Variants in AGAP2 observed in about 807,000 individuals in gnomAD.
AGAP2 encodes the protein arf-GAP with GTPase, ANK repeat and PH domain-containing protein 2.
AGAP2 carries 32 observed loss-of-function variants against 110.9 expected under a neutral mutation model. The observed-to-expected ratio is 0.29, with a 90% CI of 0.22 to 0.39. AGAP2 has a LOEUF of 0.39. Among genes scored for constraint, AGAP2 ranks in the 10% least tolerant of loss-of-function variants. AGAP2 has a pLI of 1.00. For synonymous variants in AGAP2, 702 were observed against 713.0 expected (o/e 0.98, Z 0.25); for missense variants, 1,285 against 1,638.5 (o/e 0.78, Z 3.72).
intron 10 of AGAP2, 47 bp downstream of exon 10, chr12:57,731,319 G>T (rs1388531873): frequency 6.7e-7 from 1 of 1,484,338 alleles, no homozygotes; most frequent in African/African-American, 1.4e-5. Context: ...GGTAGAACTT[G>T]AGGGAAATCC....
rs1361415264 is a variant in AGAP2 at position 57,731,977 on chromosome 12, T to C, written c.1795-10A>G. 8 of 1,612,818 alleles carry C rather than the reference T, an allele frequency of 5.0e-6. No homozygotes were observed. The highest frequency in any genetic ancestry group is 1.3e-5 in the African/African-American group (1 of 74,878). ...GGCCCCCGTTACTAGCCTGGGCACA[T>C]ATGGAAGAGTCAGCAGAGCTGAGAT... On this transcript the variant is annotated splice_polypyrimidine_tract_variant and intron_variant, in intron 7 of 18. Transcript: ENST00000547588.
rs775002316 is a variant in AGAP2 at position 57,728,303 on chromosome 12, C to T, written c.2617+15G>A. ...CACCCCAGCTGAGCGCCCCTCCCGG[C>T]TCCCCACTTGTTACCTGCTTTATAA... is the stretch of plus-strand genomic sequence containing the variant. On this transcript the variant is annotated intron_variant, in intron 14 of 18. Coordinates refer to ENST00000547588, the MANE Select transcript of AGAP2 (RefSeq NM_001122772.3). 1 of 1,613,516 alleles carries T rather than the reference C, an allele frequency of 6.2e-7. No individual in the cohort carries two copies. Among genetic ancestry groups the T allele is most frequent in the Non-Finnish European group, 8.5e-7 (1 of 1,179,674 alleles).
At position 57,725,538 on chromosome 12, in the gene AGAP2, C is replaced by T. The variant is rs1389538611; in HGVS notation, c.*1014G>A. On this transcript the variant is annotated 3_prime_UTR_variant, in exon 19 of 19. Transcript: ENST00000547588. The stretch of plus-strand genomic sequence containing the variant: ...GAGAGGTCACGGGGGTGAGGAATGG[C>T]TCTGGAGCTGCTCCAGTGGGAGGGA... 6.6e-6 allele frequency: 1 copy of T among 152,200 alleles called. No individual in the cohort carries two copies. Among genetic ancestry groups the T allele is most frequent in the East Asian group, 1.9e-4 (1 of 5,158 alleles). 9.4% of individuals were successfully genotyped at this position (152,200 alleles called of 1,614,324 possible).
upstream of AGAP2, among the ~76,000 whole-genome samples, chr12:57,741,469 A>ATG (rs1448407197): frequency 6.6e-6 from 1 of 151,718 alleles, no homozygotes; most frequent in Non-Finnish European, 1.5e-5. Flanking sequence ...GTGTGTGTGT[A>ATG]TGTGTGTGCA....
intron 13 of AGAP2, among the ~76,000 whole-genome samples, chr12:57,729,204 A>G (rs1271078563): frequency 1.3e-5 from 2 of 151,544 alleles, no homozygotes; most frequent in Admixed American, 6.6e-5. Flanking sequence ...GAAAAGAAAA[A>G]AAAAAGAAAG....
chr12:57,737,160 C>G lies in AGAP2; in HGVS notation c.1087G>C (p.Gly363Arg). The G allele has an allele frequency of 6.3e-7, 1 of 1,574,816 alleles. No individual in the cohort carries two copies. ...AGGCTGGGGGGTCCGGGAAGGGGCC[C>G]GGAGCCAGGAGGCCCTCCTGTGCTC... ...TKSTGGPPGSGPLPGPPSLSS... is the reference protein window; with the variant it reads ...TKSTGGPPGSRPLPGPPSLSS... The change falls in exon 1 of 19, where the codon GGG (glycine) becomes CGG (arginine). Residue 363 changes from glycine to arginine, a missense_variant. Transcript: ENST00000547588. The surrounding 1 kb of genome is among the most constrained non-coding windows in gnomAD (Gnocchi z 5.9).
upstream of AGAP2, among the ~76,000 whole-genome samples, chr12:57,741,310 G>T (rs1955074054): frequency 6.6e-6 from 1 of 152,166 alleles, no homozygotes; most frequent in Non-Finnish European, 1.5e-5. Flanking sequence ...GGGAAGACAG[G>T]AACAGGAGCA....
chr12:57,732,320 T>C lies in AGAP2; in HGVS notation c.1794+83A>G, dbSNP rs368693252. ...CTGTTTCCCCACTCCCTGAACCTCC[T>C]TGGGTACTCTGTACCTGTCCTAGGA... is the stretch of plus-strand genomic sequence containing the variant. On this transcript the variant is annotated intron_variant, in intron 7 of 18. Transcript: ENST00000547588. The C allele has an allele frequency of 2.8e-5, 36 of 1,302,064 alleles. No individual in the cohort carries two copies. In the East Asian group the frequency reaches 4.0e-4, roughly 15 times the overall value. The allele number at this position is 1,302,064 out of a possible 1,614,324, so 80.7% of individuals were successfully genotyped here. A position where few individuals can be genotyped will look rare whatever the true frequency, so the allele number is the denominator to read the frequency against.
chr12:57,740,882 AGCAGAGAGGTCTG>A (rs1955069278), upstream of AGAP2, among the ~76,000 whole-genome samples: 1 of 152,246 alleles, frequency 6.6e-6, no homozygotes, highest in African/African-American at 2.4e-5. Context: ...CTGGTGTACT[AGCAGAGAGGTCTG>A]GCAGGAGGTG....
In AGAP2 at chr12:57,725,603, G is replaced by C. The variant is rs1954747412; in HGVS notation, c.*949C>G. 1 of 152,236 alleles carries C rather than the reference G, an allele frequency of 6.6e-6. No homozygotes were observed. The highest frequency in any genetic ancestry group is 1.5e-5 in the Non-Finnish European group (1 of 68,178). The allele number at this position is 152,236 out of a possible 1,614,324, so 9.4% of individuals were successfully genotyped here. A position where few individuals can be genotyped will look rare whatever the true frequency, so the allele number is the denominator to read the frequency against. The stretch of plus-strand genomic sequence containing the variant: ...AGAATAATGGGGGAGGGGTCCCACT[G>C]TAGGGGTGCCCCCTACCCCAGATCA... On this transcript the variant is annotated 3_prime_UTR_variant, in exon 19 of 19. Transcript: ENST00000547588.
intron 5 of AGAP2, 80 bp from the exon 6 acceptor site, chr12:57,733,059 TG>T (rs1749585400): frequency 6.3e-7 from 1 of 1,578,010 alleles, no homozygotes; most frequent in Non-Finnish European, 8.6e-7. Context: ...ATCCTTGCAC[TG>T]GGCCCTCAGG....
chr12:57,737,644 G>T lies in AGAP2; in HGVS notation c.603C>A (p.Gly201=), dbSNP rs1349065859. The stretch of plus-strand genomic sequence containing the variant: ...GGCGGCTACCCGCGCCCTTGCCCCC[G>T]CCGGCTTTGGCTCCACTCGTGGTCA... ...KTVTTSGAKA[G]GGKGAGSRLS... is the part of the protein sequence containing the mutation. Residue 201 remains glycine (G), a synonymous_variant, in exon 1 of 19, where the codon GGC becomes GGA. Transcript: ENST00000547588. This position sits in a 1 kb window ranked among gnomAD's most constrained non-coding sequence, Gnocchi z 5.9. The T allele has an allele frequency of 2.6e-6, 4 of 1,547,178 alleles. No homozygotes were observed. The highest frequency in any genetic ancestry group is 2.4e-5 in the South Asian group (2 of 84,062).
rs1954761454 is a variant in AGAP2 at position 57,726,310 on chromosome 12, C to T, written c.*242G>A. On this transcript the variant is annotated 3_prime_UTR_variant, in exon 19 of 19. Transcript: ENST00000547588. The surrounding 1 kb of genome is among the most constrained non-coding windows in gnomAD (Gnocchi z 5.7). ...CCCGAGCGGGTAGACCCAGAGCAATCCGAGTGTGGAAACAATGGAGAGGGG... is the reference window on the plus strand; with the variant it reads ...CCCGAGCGGGTAGACCCAGAGCAATTCGAGTGTGGAAACAATGGAGAGGGG... 1.4e-5 allele frequency: 4 copies of T among 278,570 alleles called. No homozygotes were observed. Among genetic ancestry groups the T allele is most frequent in the South Asian group, 3.2e-4 (2 of 6,230 alleles). The allele number at this position is 278,570 out of a possible 1,614,324, so 17.3% of individuals were successfully genotyped here. A position where few individuals can be genotyped will look rare whatever the true frequency, so the allele number is the denominator to read the frequency against.
In AGAP2 at chr12:57,733,094, T is replaced by C; in HGVS notation, c.1550-115A>G. The C allele has an allele frequency of 6.7e-6, 9 of 1,344,358 alleles. No individual in the cohort carries two copies. The South Asian group carries it at 1.2e-4, about 17-fold the overall frequency. 83.3% of individuals were successfully genotyped at this position (1,344,358 alleles called of 1,614,324 possible). On this transcript the variant is annotated intron_variant, in intron 5 of 18. Transcript: ENST00000547588. The stretch of plus-strand genomic sequence containing the variant: ...GGCTGGGTCCACTGGGGATGGGGTG[T>C]GAGAGATCATCTTTTCTGTGACCAG...
rs775342734 is a variant in AGAP2 at position 57,730,849 on chromosome 12, T to C, written c.2250A>G (p.Ser750=). ...PPRAISAFGP[S]ASINGLVKDM... The stretch of plus-strand genomic sequence containing the variant: ...CCTTGACGAGCCCGTTAATGCTGGC[T>C]GAGGGGCCAAAGGCAGAGATGGCCC... Residue 750 remains serine, a synonymous_variant, in exon 11 of 19, where the codon TCA becomes TCG. Coordinates refer to ENST00000547588, the MANE Select transcript of AGAP2 (RefSeq NM_001122772.3). The C allele has an allele frequency of 6.2e-7, 1 of 1,613,956 alleles. No individual in the cohort carries two copies. Among genetic ancestry groups the C allele is most frequent in the Non-Finnish European group, 8.5e-7 (1 of 1,179,968 alleles).
At chr12:57,730,676 C>A in intron 11 of AGAP2, 62 bp from the exon 12 acceptor site, 1 of 1,604,462 alleles carries the variant, frequency 6.2e-7, no homozygotes, top group South Asian at 1.1e-5. Context: ...CTTATGTGGT[C>A]CCTCTTTATC....
chr12:57,728,911 A>G (rs1241470451), intron 13 of AGAP2, among the ~76,000 whole-genome samples: 2 of 151,962 alleles, frequency 1.3e-5, no homozygotes, highest in Non-Finnish European at 2.9e-5. Flanking sequence ...TGTAATCCCC[A>G]CCGCCTGTAA....
In AGAP2 at chr12:57,727,587, G is replaced by C; in HGVS notation, c.2858-5C>G. On this transcript the variant is annotated splice_polypyrimidine_tract_variant and splice_region_variant and intron_variant, in intron 16 of 18. Coordinates refer to ENST00000547588, the MANE Select transcript of AGAP2 (RefSeq NM_001122772.3). ...TCAAGCTGGCCCACGTGGGGTCTGC[G>C]GAAGGAGCGTAGAGGTCGGCTCCCA... 6.2e-7 allele frequency: 1 copy of C among 1,600,842 alleles called. No homozygotes were observed. The highest frequency in any genetic ancestry group is 8.5e-7 in the Non-Finnish European group (1 of 1,175,986).
Position 57,728,012 on chromosome 12 carries a change from C to A in AGAP2, c.2691G>T (p.Glu897Asp), listed in dbSNP as rs377325721. Reference sequence around the variant, plus strand: ...CGATGGCCTGGACCCAGGCATCCCGCTCCTCAAAACTGGCTGCCTCAAAGT... The same window carrying A: ...CGATGGCCTGGACCCAGGCATCCCGATCCTCAAAACTGGCTGCCTCAAAGT... ...TWHFEAASFE[E>D]RDAWVQAIES... The change falls in exon 15 of 19, where the codon GAG (glutamate) becomes GAT (aspartate). Residue 897 changes from glutamate to aspartate, a missense_variant. Transcript: ENST00000547588. 6.2e-7 allele frequency: 1 copy of A among 1,613,892 alleles called. No individual in the cohort carries two copies. The highest frequency in any genetic ancestry group is 1.6e-4 in the Middle Eastern group (1 of 6,062).
Sources: allele counts gnomAD v4.1 joint callset (sites outside exome capture counted in the v4.1 genomes callset), GRCh38; gene constraint gnomAD v4.1.1; non-coding constraint Gnocchi (gnomAD v3.1); transcripts MANE v1.5; gene names NCBI Gene and HGNC (gene_info 2026-07-23, HGNC 2026-07-21).